ARHGAP32: variants seen among roughly 807,000 people sequenced by gnomAD.
ARHGAP32 encodes Rho GTPase activating protein 32.
ARHGAP32 carries 51 observed loss-of-function variants against 186.5 expected under a neutral mutation model. The observed-to-expected ratio is 0.27, with a 90% CI of 0.22 to 0.35. The LOEUF (loss-of-function observed/expected upper bound fraction) is 0.35, where lower values mean the gene tolerates loss of function less well. Among genes scored for constraint, ARHGAP32 ranks in the 10% least tolerant of loss-of-function variants. ARHGAP32 has a pLI of 1.00. For synonymous variants in ARHGAP32, 950 were observed against 964.3 expected, an observed-to-expected ratio of 0.99 and a Z score of 0.27; for missense variants, 2,186 against 2,623.5, an observed-to-expected ratio of 0.83 and a Z score of 3.64.
At chr11:129,060,336 CATAGATAGATAGATAGATAG>C (rs60434028) in intron 10 of ARHGAP32, among the ~76,000 whole-genome samples, 16 of 148,552 alleles carry the variant, frequency 1.1e-4, no homozygotes, top group South Asian at 6.5e-4. Flanking sequence ...AGGTGTTACA[CATAGATAGATAGATAGATAG>C]ATAGATAGAT....
chr11:129,128,474 T>C (rs1037814974), intron 2 of ARHGAP32, among the ~76,000 whole-genome samples: 2 of 152,196 alleles, frequency 1.3e-5, no homozygotes, highest in African/African-American at 4.8e-5. Flanking sequence ...AGATTTTATC[T>C]CTGATTTTTA....
intron 2 of ARHGAP32, among the ~76,000 whole-genome samples, chr11:129,132,998 G>T (rs1200165403): frequency 2.0e-5 from 3 of 152,164 alleles, no homozygotes; most frequent in Non-Finnish European, 4.4e-5. Context: ...AAAGAAAAGG[G>T]GTTTAGTTGG....
At chr11:129,256,410 T>G (rs1945255060) in intron 1 of ARHGAP32, among the ~76,000 whole-genome samples, 2 of 152,198 alleles carry the variant, frequency 1.3e-5, no homozygotes, top group African/African-American at 4.8e-5. Context: ...CTAATTGTGC[T>G]ATAACTACAT....
At chr11:129,129,556 G>A (rs1365542679) in intron 2 of ARHGAP32, among the ~76,000 whole-genome samples, 9 of 152,232 alleles carry the variant, frequency 5.9e-5, no homozygotes, top group African/African-American at 9.6e-5. Flanking sequence ...CATTGAGAAC[G>A]GGCCATGATG....
chr11:129,134,700 C>T (rs1307520836), intron 2 of ARHGAP32, among the ~76,000 whole-genome samples: 3 of 152,130 alleles, frequency 2.0e-5, no homozygotes, highest in Non-Finnish European at 2.9e-5. Context: ...TAAAACCTAA[C>T]GCCCAAGGTG....
chr11:129,079,515 GA>G (rs1289229614), intron 6 of ARHGAP32, among the ~76,000 whole-genome samples: 45 of 151,818 alleles, frequency 3.0e-4, no homozygotes, highest in African/African-American at 1.0e-3. Context: ...GTAAATGAAA[GA>G]AAAAAAAGTT....
chr11:128,966,785 C>G lies in ARHGAP32; in HGVS notation c.*2122G>C, dbSNP rs917511924. ...TCACAGCAGCCCCTCTTCCTAATCT[C>G]CATGCTGCTGGTGAGAACTTACAGG... On this transcript the variant is annotated 3_prime_UTR_variant, in exon 23 of 23. Coordinates refer to ENST00000682385, the MANE Select transcript of ARHGAP32 (RefSeq NM_001378024.1). 1 of 152,174 alleles carries G rather than the reference C, an allele frequency of 6.6e-6. No homozygotes were observed. Among genetic ancestry groups the G allele is most frequent in the African/African-American group, 2.4e-5 (1 of 41,422 alleles). The allele number at this position is 152,174 out of a possible 1,614,324, so 9.4% of individuals were successfully genotyped here.
intron 5 of ARHGAP32, among the ~76,000 whole-genome samples, chr11:129,110,527 G>T (rs1410467581): frequency 6.6e-6 from 1 of 152,090 alleles, no homozygotes; most frequent in Non-Finnish European, 1.5e-5. Flanking sequence ...AAATTGCTTT[G>T]TACAGTATGG....
intron 5 of ARHGAP32, among the ~76,000 whole-genome samples, chr11:129,095,119 A>C (rs1020983542): frequency 1.3e-5 from 2 of 152,176 alleles, no homozygotes; most frequent in African/African-American, 4.8e-5. Context: ...CCATTAGCCC[A>C]AAAAAGCCAG....
At chr11:129,258,450 T>C (rs563837800) in intron 1 of ARHGAP32, among the ~76,000 whole-genome samples, 87 of 152,262 alleles carry the variant, frequency 5.7e-4, no homozygotes, top group African/African-American at 1.6e-3. Flanking sequence ...TGCAGCAGTA[T>C]GTGCCTGCCA....
At chr11:129,049,557 G>A (rs1000652266) in intron 10 of ARHGAP32, among the ~76,000 whole-genome samples, 1 of 151,734 alleles carries the variant, frequency 6.6e-6, no homozygotes, top group African/African-American at 2.4e-5. Flanking sequence ...ACTGCTCCTC[G>A]GGCAATTACT....
chr11:129,043,706 A>C (rs1939697121), intron 10 of ARHGAP32, among the ~76,000 whole-genome samples: 1 of 151,972 alleles, frequency 6.6e-6, no homozygotes, highest in South Asian at 2.1e-4. Flanking sequence ...AATTTCTTGA[A>C]GGAGAATTGC....
chr11:129,215,279 C>A (rs558282238), intron 1 of ARHGAP32, among the ~76,000 whole-genome samples: 1 of 152,140 alleles, frequency 6.6e-6, no homozygotes, highest in African/African-American at 2.4e-5. Flanking sequence ...ATAACAGTTC[C>A]TTTCCTCATA....
chr11:129,064,155 A>C, intron 8 of ARHGAP32, 131 bp from the exon 9 acceptor site: 2 of 733,200 alleles, frequency 2.7e-6, no homozygotes, highest in Non-Finnish European at 4.1e-6. Context: ...AAAAACTACC[A>C]TTTACTGGGT....
chr11:129,243,363 C>T (rs1284403487), intron 1 of ARHGAP32, among the ~76,000 whole-genome samples: 1 of 152,168 alleles, frequency 6.6e-6, no homozygotes, highest in Non-Finnish European at 1.5e-5. Flanking sequence ...TTTTCATAAT[C>T]TATGTCCTGA....
At chr11:129,101,590 A>G (rs1033328491) in intron 5 of ARHGAP32, among the ~76,000 whole-genome samples, 14 of 152,224 alleles carry the variant, frequency 9.2e-5, no homozygotes, top group African/African-American at 3.4e-4. Flanking sequence ...CAGACCAAGC[A>G]TAGGAAAGAA....
chr11:129,035,828 A>G (rs1939309274), intron 11 of ARHGAP32, among the ~76,000 whole-genome samples: 1 of 151,658 alleles, frequency 6.6e-6, no homozygotes, highest in Non-Finnish European at 1.5e-5. Context: ...TGGGTGACAG[A>G]GCAAGACTCC....
At chr11:129,105,274 T>C (rs1032470262) in intron 5 of ARHGAP32, among the ~76,000 whole-genome samples, 4 of 152,118 alleles carry the variant, frequency 2.6e-5, no homozygotes, top group Non-Finnish European at 5.9e-5. Flanking sequence ...ATGGAAGTAT[T>C]TTGAAAGCCA....
intron 1 of ARHGAP32, among the ~76,000 whole-genome samples, chr11:129,183,918 G>A (rs1944105054): frequency 6.6e-6 from 1 of 152,034 alleles, no homozygotes; most frequent in East Asian, 1.9e-4. Context: ...CCTTCTCCAA[G>A]TGTCTCAAAA....
Sources: gnomAD v4.1 joint callset for allele counts (sites outside exome capture counted in the v4.1 genomes callset) on GRCh38, gnomAD v4.1.1 for gene constraint, MANE v1.5 for transcripts, NCBI Gene and HGNC (gene_info 2026-07-23, HGNC 2026-07-21) for gene names.